Variants in THBS1 observed in about 807,000 individuals in gnomAD.
The protein encoded by THBS1 is thrombospondin 1, also known as thrombospondin-1.
A neutral mutation model predicts 126.1 loss-of-function variants in THBS1; 29 were observed. That is an observed-to-expected ratio of 0.23 (90% CI 0.17 to 0.31). The LOEUF (loss-of-function observed/expected upper bound fraction) is 0.31. Ranked by LOEUF, THBS1 falls within the 10% of genes least tolerant of loss-of-function variation. The pLI, the probability that THBS1 is intolerant of heterozygous loss-of-function variation, is 1.00. For missense variants in THBS1, 1,198 were observed against 1,545.2 expected (o/e 0.78, Z 3.77); for synonymous variants, 496 against 577.8 (o/e 0.86, Z 2.03).
rs757122043 is a variant in THBS1, at chr15:39,589,925, G to A, written c.2047G>A (p.Ala683Thr). The stretch of plus-strand genomic sequence containing the variant: ...CCGCTGCGAGTGCAAGCCTGGCTAC[G>A]CTGGCAATGGCATCATCTGCGGGGA... ...MYRCECKPGY[A>T]GNGIICGEDT... The change falls in exon 13 of 22, where the codon GCT becomes ACT. Residue 683 changes from alanine to threonine, a missense_variant. Physicochemically the swap from Ala to Thr is moderately conservative, Grantham distance 58. Transcript: ENST00000260356. This position sits in a 1 kb window ranked among gnomAD's most constrained non-coding sequence, Gnocchi z 4.7. The A allele has an allele frequency of 2.4e-5, 39 of 1,614,066 alleles. No individual in the cohort carries two copies. The highest frequency in any genetic ancestry group is 3.1e-5 in the Non-Finnish European group (37 of 1,180,042).
In THBS1 at chr15:39,590,518, T is replaced by A; in HGVS notation, c.2148T>A (p.Asp716Glu). ...VANATYHCKKDNCPNLPNSGQ... is the reference protein window; with the variant it reads ...VANATYHCKKENCPNLPNSGQ... ...GATATATATCTTCTCTTTCCTAGGA[T>A]AATTGCCCCAACCTTCCCAACTCAG... The change falls in exon 14 of 22, where the codon GAT becomes GAA. Residue 716 changes from aspartate (D) to glutamate (E), a missense_variant and splice_region_variant. By Grantham distance (45) the Asp-to-Glu change is conservative (BLOSUM62 2). Around this residue, in one of 4 missense-constraint regions of THBS1, gnomAD observed 663 missense variants for 860.1 expected, o/e 0.77. Coordinates refer to ENST00000260356, the MANE Select transcript of THBS1 (RefSeq NM_003246.4). 1 of 1,612,746 alleles carries A rather than the reference T, an allele frequency of 6.2e-7. No individual in the cohort carries two copies. The highest frequency in any genetic ancestry group is 8.5e-7 in the Non-Finnish European group (1 of 1,179,436).
chr15:39,587,589 C>G, intron 8 of THBS1, 69 bp downstream of exon 8: 1 of 1,461,018 alleles, frequency 6.8e-7, no homozygotes, highest in Non-Finnish European at 9.3e-7. Flanking sequence ...AAGGGCAGCT[C>G]CACAGCATGT....
rs764633925 is a variant in THBS1, at chr15:39,584,386, A to C, written c.990A>C (p.Glu330Asp). 6.2e-7 allele frequency: 1 copy of C among 1,614,196 alleles called. No homozygotes were observed. The highest frequency in any genetic ancestry group is 1.1e-5 in the South Asian group (1 of 91,082). The change falls in exon 6 of 22, where the codon GAA becomes GAC. Residue 330 changes from glutamate (E) to aspartate (D), a missense_variant. By Grantham distance (45) the Glu-to-Asp change is conservative (BLOSUM62 2). This residue lies in a region of THBS1 where 663 missense variants were observed against 860.1 expected (regional missense o/e 0.77). Coordinates refer to ENST00000260356, the MANE Select transcript of THBS1 (RefSeq NM_003246.4). ...HNGVQYRNNEEWTVDSCTECH... is the reference protein window; with the variant it reads ...HNGVQYRNNEDWTVDSCTECH... Reference sequence around the variant, plus strand: ...GAGTTCAGTACAGAAATAACGAGGAATGGACTGTTGATAGCTGCACTGAGT... The same window carrying C: ...GAGTTCAGTACAGAAATAACGAGGACTGGACTGTTGATAGCTGCACTGAGT...
rs41305276 is a variant in THBS1, at chr15:39,586,377, C to T, written c.1120+814C>T. On this transcript the variant is annotated intron_variant, in intron 7 of 21. Coordinates refer to ENST00000260356, the MANE Select transcript of THBS1 (RefSeq NM_003246.4). ...CACTTAACATGTGCGTTAAAAGGAA[C>T]AAAGCTAGCTGGAGGTAGCAAAGTT... 9.5e-3 allele frequency among the ~76,000 whole-genome samples: 1,449 copies of T among 152,272 alleles called. 17 individuals are homozygous for T. The highest frequency in any genetic ancestry group is 0.012 in the Non-Finnish European group (828 of 68,012).
In THBS1 at chr15:39,590,999, G is replaced by C. The variant is rs568596284; in HGVS notation, c.2254-192G>C. On this transcript the variant is annotated intron_variant, in intron 14 of 21. Transcript: ENST00000260356. ...ACATCTCACTAACTTCTAACCCACA[G>C]GGATCCATTTTTTTAACTATGTCCT... The C allele has an allele frequency of 2.4e-4, 152 of 629,466 alleles. No homozygotes were observed. In the African/African-American group the frequency reaches 2.6e-3, roughly 11 times the overall value. The allele number at this position is 629,466 out of a possible 1,614,324, so 39.0% of individuals were successfully genotyped here.
At chr15:39,587,191 G>A in intron 7 of THBS1, 156 bp from the exon 8 acceptor site, 3 of 623,534 alleles carry the variant, frequency 4.8e-6, no homozygotes, top group Non-Finnish European at 2.7e-6. Flanking sequence ...CACCTTAAAT[G>A]TATATAATAT....
chr15:39,581,639 CCT>C (rs3138595), intron 1 of THBS1, 188 bp from the exon 2 acceptor site: 39,763 of 351,358 alleles, frequency 0.11, 2 homozygotes, highest in East Asian at 0.2. Context: ...CTTTCCTCCA[CCT>C]CTCTCTCTCT....
At chr15:39,584,231 G>C (rs532024756) in intron 5 of THBS1, 44 bp downstream of exon 5, 1 of 1,614,024 alleles carries the variant, frequency 6.2e-7, no homozygotes, top group Admixed American at 1.7e-5. Flanking sequence ...AACCCTGGAA[G>C]GTTTATCGCA....
At position 39,586,675 on chromosome 15, in the gene THBS1, T is replaced by C. The variant is rs1193221896; in HGVS notation, c.1121-672T>C. ...TCACACTCATCTGTCAAACACATGGTGTATGGCTCCCCTGACAGAAATGAC... is the reference window on the plus strand; with the variant it reads ...TCACACTCATCTGTCAAACACATGGCGTATGGCTCCCCTGACAGAAATGAC... On this transcript the variant is annotated intron_variant, in intron 7 of 21. Coordinates refer to ENST00000260356, the MANE Select transcript of THBS1 (RefSeq NM_003246.4). 8 of 152,154 alleles carry C rather than the reference T, an allele frequency of 5.3e-5. No homozygotes were observed. In the East Asian group the frequency reaches 1.3e-3, roughly 26 times the overall value. The allele number at this position is 152,154 out of a possible 1,614,324, so 9.4% of individuals were successfully genotyped here. A position where few individuals can be genotyped will look rare whatever the true frequency, so the allele number is the denominator to read the frequency against.
At position 39,592,417 on chromosome 15, in the gene THBS1, T is replaced by C; in HGVS notation, c.2533-151T>C. 1.8e-6 allele frequency: 1 copy of C among 548,582 alleles called. No homozygotes were observed. The highest frequency in any genetic ancestry group is 3.1e-6 in the Non-Finnish European group (1 of 319,288). 34.0% of individuals were successfully genotyped at this position (548,582 alleles called of 1,614,324 possible). A position where few individuals can be genotyped will look rare whatever the true frequency, so the allele number is the denominator to read the frequency against. On this transcript the variant is annotated intron_variant, in intron 16 of 21. Coordinates refer to ENST00000260356, the MANE Select transcript of THBS1 (RefSeq NM_003246.4). This position sits in a 1 kb window ranked among gnomAD's most constrained non-coding sequence, Gnocchi z 4.3. ...ACTTTTAAAATGTAATTGCTACTAT[T>C]GCTATCTTTCTGCAGGAGTGTGTAA...
At chr15:39,584,471 AC>A in intron 6 of THBS1, 49 bp downstream of exon 6, 1 of 1,607,680 alleles carries the variant, frequency 6.2e-7, no homozygotes, top group Middle Eastern at 1.8e-4. Flanking sequence ...TTTTGTTTGA[AC>A]CTACATCTTT....
intron 14 of THBS1, 35 bp from the exon 15 acceptor site, chr15:39,591,156 A>G: frequency 6.2e-7 from 1 of 1,603,278 alleles, no homozygotes; most frequent in Middle Eastern, 1.7e-4. Context: ...TTTCAAGGAC[A>G]ACATTGTTAA....
chr15:39,590,778 G>A lies in THBS1; in HGVS notation c.2253+155G>A, dbSNP rs999824866. 4 of 637,104 alleles carry A rather than the reference G, an allele frequency of 6.3e-6. No individual in the cohort carries two copies. In the African/African-American group the frequency reaches 7.6e-5, roughly 12 times the overall value. 39.5% of individuals were successfully genotyped at this position (637,104 alleles called of 1,614,324 possible). On this transcript the variant is annotated intron_variant, in intron 14 of 21. Coordinates refer to ENST00000260356, the MANE Select transcript of THBS1 (RefSeq NM_003246.4). ...TATTCATTGTGTTCCAGTAGTTTAA[G>A]GATGTAGATGTTGCCAAGAGAATTT...
chr15:39,589,469 G>A lies in THBS1; in HGVS notation c.1926+115G>A, dbSNP rs1890284343. ...TTCACCAAAAAAAAAAGGGCGAGGA[G>A]ATGAATGTACGGTCTAGTTTTAGAA... On this transcript the variant is annotated intron_variant, in intron 12 of 21. Coordinates refer to ENST00000260356, the MANE Select transcript of THBS1 (RefSeq NM_003246.4). This position sits in a 1 kb window ranked among gnomAD's most constrained non-coding sequence, Gnocchi z 4.7. 2 of 1,339,648 alleles carry A rather than the reference G, an allele frequency of 1.5e-6. No individual in the cohort carries two copies. Among genetic ancestry groups the A allele is most frequent in the African/African-American group, 2.9e-5 (2 of 68,028 alleles). 83.0% of individuals were successfully genotyped at this position (1,339,648 alleles called of 1,614,324 possible). A position where few individuals can be genotyped will look rare whatever the true frequency, so the allele number is the denominator to read the frequency against.
chr15:39,587,208 A>G lies in THBS1; in HGVS notation c.1121-139A>G, dbSNP rs543824490. Reference sequence around the variant, plus strand: ...CCTTAAATGTATATAATATTTGTCAATTATACCTCAGTAAAGCCAAAAAGA... The same window carrying G: ...CCTTAAATGTATATAATATTTGTCAGTTATACCTCAGTAAAGCCAAAAAGA... On this transcript the variant is annotated intron_variant, in intron 7 of 21. Transcript: ENST00000260356. 68 of 730,416 alleles carry G rather than the reference A, an allele frequency of 9.3e-5. 2 individuals are homozygous for G. The South Asian group carries it at 1.5e-3, about 16-fold the overall frequency. The allele number at this position is 730,416 out of a possible 1,614,324, so 45.2% of individuals were successfully genotyped here.
Position 39,593,081 on chromosome 15 carries a change from T to C in THBS1, c.2849T>C (p.Val950Ala). ...ATCGATGACATCTGTCCTGAGAATG[T>C]TGACATCAGTGAGACCGATTTCCGC... ...PDIDDICPEN[V>A]DISETDFRRF... is the part of the protein sequence containing the mutation. Residue 950 changes from valine to alanine, a missense_variant, in exon 18 of 22, where the codon GTT (valine) becomes GCT (alanine). Around this residue, in one of 4 missense-constraint regions of THBS1, gnomAD observed 255 missense variants for 373.9 expected, o/e 0.68. Coordinates refer to ENST00000260356, the MANE Select transcript of THBS1 (RefSeq NM_003246.4). This position sits in a 1 kb window ranked among gnomAD's most constrained non-coding sequence, Gnocchi z 5.9. The C allele has an allele frequency of 1.2e-6, 2 of 1,602,434 alleles. No individual in the cohort carries two copies. The highest frequency in any genetic ancestry group is 1.7e-6 in the Non-Finnish European group (2 of 1,174,882).
Position 39,597,476 on chromosome 15 carries a change from A to G in THBS1, c.*2107A>G, listed in dbSNP as rs998128138. 7 of 152,012 alleles carry G rather than the reference A, an allele frequency of 4.6e-5. No individual in the cohort carries two copies. Among genetic ancestry groups the G allele is most frequent in the Non-Finnish European group, 7.4e-5 (5 of 68,000 alleles). The allele number at this position is 152,012 out of a possible 1,614,324, so 9.4% of individuals were successfully genotyped here. A position where few individuals can be genotyped will look rare whatever the true frequency, so the allele number is the denominator to read the frequency against. ...GGAAATTTATATTTATACTTACTGT[A>G]TCCATGCTTATTTGTTCTCTACTGG... On this transcript the variant is annotated 3_prime_UTR_variant, in exon 22 of 22. Transcript: ENST00000260356.
At chr15:39,586,842 G>A (rs1375841110) in intron 7 of THBS1, 1 of 152,380 alleles carries the variant, frequency 6.6e-6, no homozygotes, top group East Asian at 1.9e-4. Context: ...AGCATACACT[G>A]TGGGAAGGCT....
rs933539192 is a variant in THBS1, at chr15:39,597,971, T to A, written c.*2602T>A. The A allele has an allele frequency of 6.6e-6, 1 of 152,174 alleles. No individual in the cohort carries two copies. Among genetic ancestry groups the A allele is most frequent in the East Asian group, 1.9e-4 (1 of 5,200 alleles). The allele number at this position is 152,174 out of a possible 1,614,324, so 9.4% of individuals were successfully genotyped here. A position where few individuals can be genotyped will look rare whatever the true frequency, so the allele number is the denominator to read the frequency against. On this transcript the variant is annotated 3_prime_UTR_variant, in exon 22 of 22. Transcript: ENST00000260356. ...GCAATGTTGAGCCAAGCATTACAGA[T>A]ACCTCCTCTTGAAGAAGGAATAATA...
Sources: allele counts gnomAD v4.1 joint callset (sites outside exome capture counted in the v4.1 genomes callset), GRCh38; gene constraint gnomAD v4.1.1; regional missense constraint gnomAD v4.1.1; non-coding constraint Gnocchi (gnomAD v3.1); transcripts MANE v1.5; gene names NCBI Gene and HGNC (gene_info 2026-07-23, HGNC 2026-07-21).